Variants in TXNL1 observed in about 807,000 individuals in gnomAD.
TXNL1 encodes the protein thioredoxin like 1.
Under a neutral mutation model 35.5 loss-of-function variants are expected in TXNL1, and 14 were observed. The observed-to-expected ratio is 0.39, with a 90% CI of 0.26 to 0.62. The LOEUF is 0.62. Ranked by LOEUF, TXNL1 falls within the 20% of genes least tolerant of loss-of-function variation. TXNL1 has a pLI of 0.47. For missense variants in TXNL1, 263 were observed against 349.7 expected (o/e 0.75, Z 1.98); for synonymous variants, 110 against 115.5 (o/e 0.95, Z 0.31).
chr18:56,625,951 T>C (rs1201071627), intron 2 of TXNL1, among the ~76,000 whole-genome samples: 1 of 152,216 alleles, frequency 6.6e-6, no homozygotes, highest in Non-Finnish European at 1.5e-5. Context: ...AAGTTTCTGC[T>C]CAGTGTGTCC....
intron 1 of TXNL1, among the ~76,000 whole-genome samples, chr18:56,628,919 G>A (rs1211201480): frequency 6.6e-6 from 1 of 152,136 alleles, no homozygotes; most frequent in Non-Finnish European, 1.5e-5. Flanking sequence ...TTCACCTTGT[G>A]TTATCCTGAA....
At position 56,618,280 on chromosome 18, in the gene TXNL1, T is replaced by C. The variant is rs184036049; in HGVS notation, c.370-154A>G. Among the ~76,000 whole-genome samples the C allele has an allele frequency of 3.9e-5, 6 of 152,318 alleles. No individual in the cohort carries two copies. The East Asian group carries it at 1.2e-3, about 29-fold the overall frequency. Reference sequence around the variant, plus strand: ...TTACAGTAGTCCTTTCATTTGCATTTCTGACTGAGATCTACCATCAATTAT... The same window carrying C: ...TTACAGTAGTCCTTTCATTTGCATTCCTGACTGAGATCTACCATCAATTAT... On this transcript the variant is annotated intron_variant, in intron 3 of 7. Coordinates refer to ENST00000217515, the MANE Select transcript of TXNL1 (RefSeq NM_004786.3).
intron 1 of TXNL1, among the ~76,000 whole-genome samples, chr18:56,630,324 T>C (rs992453989): frequency 6.6e-6 from 1 of 152,080 alleles, no homozygotes; most frequent in Admixed American, 6.6e-5. Context: ...CTGGAAATGA[T>C]GCTTACAGGT....
intron 1 of TXNL1, among the ~76,000 whole-genome samples, chr18:56,631,379 C>T (rs896621883): frequency 3.3e-5 from 5 of 152,118 alleles, no homozygotes; most frequent in African/African-American, 4.8e-5. Flanking sequence ...TTCTCTTGCA[C>T]ACACCTTGAT....
intron 7 of TXNL1, chr18:56,605,226 T>C (rs2023870919): frequency 6.6e-6 from 1 of 152,204 alleles, no homozygotes; most frequent in Admixed American, 6.5e-5. Flanking sequence ...GTAGAAATCT[T>C]GCACCAACAA....
chr18:56,599,937 C>T lies in TXNL1; in HGVS notation c.*3090G>A, dbSNP rs1316734375. On this transcript the variant is annotated 3_prime_UTR_variant, in exon 8 of 8. Transcript: ENST00000217515. ...AATTATCAGTTCCAGAAGAGATATA[C>T]CTAACACAAAAATTAACCTACTAAA... is the stretch of plus-strand genomic sequence containing the variant. 6.6e-6 allele frequency: 1 copy of T among 151,994 alleles called. No homozygotes were observed. The highest frequency in any genetic ancestry group is 1.5e-5 in the Non-Finnish European group (1 of 68,010). 9.4% of individuals were successfully genotyped at this position (151,994 alleles called of 1,614,324 possible). A position where few individuals can be genotyped will look rare whatever the true frequency, so the allele number is the denominator to read the frequency against.
At chr18:56,609,065 T>G (rs1175780889) in intron 7 of TXNL1, 2 of 152,174 alleles carry the variant, frequency 1.3e-5, no homozygotes, top group Non-Finnish European at 2.9e-5. Flanking sequence ...ATGTGTTCAT[T>G]ATTTACAAAT....
At chr18:56,632,405 C>T (rs1321584261) in intron 1 of TXNL1, among the ~76,000 whole-genome samples, 1 of 152,118 alleles carries the variant, frequency 6.6e-6, no homozygotes, top group Non-Finnish European at 1.5e-5. Context: ...AAACAGCTAG[C>T]ATTCATTGGG....
At chr18:56,606,366 G>C (rs912951736) in intron 7 of TXNL1, among the ~76,000 whole-genome samples, 1 of 152,060 alleles carries the variant, frequency 6.6e-6, no homozygotes, top group Non-Finnish European at 1.5e-5. Flanking sequence ...AACAGAGCAA[G>C]ACTCCGTCTC....
intron 1 of TXNL1, among the ~76,000 whole-genome samples, chr18:56,637,131 A>G (rs1447587340): frequency 1.3e-5 from 2 of 152,184 alleles, no homozygotes; most frequent in Non-Finnish European, 2.9e-5. Context: ...TGTAAGAGAG[A>G]CTGGTCCAAA....
At chr18:56,610,010 T>C (rs1029939639) in intron 7 of TXNL1, 13 of 130,986 alleles carry the variant, frequency 9.9e-5, no homozygotes, top group African/African-American at 3.2e-4. Context: ...TTTTCTATAA[T>C]TGAATTAAAG....
At chr18:56,631,835 G>A (rs1421205141) in intron 1 of TXNL1, among the ~76,000 whole-genome samples, 6 of 150,182 alleles carry the variant, frequency 4.0e-5, no homozygotes, top group African/African-American at 1.5e-4. Flanking sequence ...CAGGAGAATC[G>A]TTTGAACCTG....
At chr18:56,615,623 G>C (rs1051326238) in intron 5 of TXNL1, among the ~76,000 whole-genome samples, 1 of 151,952 alleles carries the variant, frequency 6.6e-6, no homozygotes, top group Admixed American at 6.5e-5. Context: ...AAAATAAAAG[G>C]AATTTGAAAT....
rs951412267 is a variant in TXNL1 at position 56,603,110 on chromosome 18, T to C, written c.841-54A>G. The C allele has an allele frequency of 4.3e-6, 6 of 1,410,384 alleles. No homozygotes were observed. In the African/African-American group the frequency reaches 7.2e-5, roughly 17 times the overall value. 87.4% of individuals were successfully genotyped at this position (1,410,384 alleles called of 1,614,324 possible). A position where few individuals can be genotyped will look rare whatever the true frequency, so the allele number is the denominator to read the frequency against. The stretch of plus-strand genomic sequence containing the variant: ...ACATCCTATTGATTTTAAATATGAG[T>C]TATTAAAAATACTAATAATCAGTTT... On this transcript the variant is annotated intron_variant, in intron 7 of 7. Transcript: ENST00000217515.
intron 7 of TXNL1, among the ~76,000 whole-genome samples, chr18:56,607,161 T>TGTG (rs2023911614): frequency 7.3e-6 from 1 of 137,526 alleles, no homozygotes; most frequent in Non-Finnish European, 1.6e-5. Context: ...CTGGGTAATT[T>TGTG]TGTGTGTGTG....
rs1260123468 is a variant in TXNL1, at chr18:56,599,515, T to C, written c.*3512A>G. On this transcript the variant is annotated 3_prime_UTR_variant, in exon 8 of 8. Transcript: ENST00000217515. ...TCTAATAATGAGTTTTAAAGCTAAA[T>C]GAGCAAAATATTCCTCTAGTTTTTC... 2 of 152,058 alleles carry C rather than the reference T, an allele frequency of 1.3e-5. No individual in the cohort carries two copies. The highest frequency in any genetic ancestry group is 2.9e-5 in the Non-Finnish European group (2 of 68,016). The allele number at this position is 152,058 out of a possible 1,614,324, so 9.4% of individuals were successfully genotyped here.
At chr18:56,622,305 C>G (rs1480558993) in intron 3 of TXNL1, among the ~76,000 whole-genome samples, 1 of 151,908 alleles carries the variant, frequency 6.6e-6, no homozygotes, top group Non-Finnish European at 1.5e-5. Context: ...ATTAGGACAA[C>G]TTAAATGCAA....
chr18:56,630,123 C>A (rs1050335143), intron 1 of TXNL1, among the ~76,000 whole-genome samples: 1 of 151,158 alleles, frequency 6.6e-6, no homozygotes, highest in Non-Finnish European at 1.5e-5. Context: ...CACTTGAACC[C>A]GGAAGGTTGT....
chr18:56,618,365 T>G (rs954082084), intron 3 of TXNL1, among the ~76,000 whole-genome samples: 3 of 152,180 alleles, frequency 2.0e-5, no homozygotes, highest in Non-Finnish European at 4.4e-5. Flanking sequence ...TCTTTAAGAT[T>G]ATAAAATGTT....
Sources: gnomAD v4.1 joint callset for allele counts (sites outside exome capture counted in the v4.1 genomes callset) on GRCh38, gnomAD v4.1.1 for gene constraint, MANE v1.5 for transcripts, NCBI Gene and HGNC (gene_info 2026-07-23, HGNC 2026-07-21) for gene names.